Variants in SHPRH observed in about 807,000 individuals in gnomAD.
The protein encoded by SHPRH is SNF2 histone linker PHD RING helicase.
SHPRH carries 106 observed loss-of-function variants against 202.5 expected under a neutral mutation model. The ratio of observed to expected loss-of-function variants is 0.52; its 90% CI spans 0.45 to 0.62. SHPRH has a LOEUF of 0.62. SHPRH is among the 20% of genes least tolerant of loss of function. The pLI is 0.00. For synonymous variants in SHPRH, 729 were observed against 686.0 expected (o/e 1.06, Z -0.98); for missense variants, 1,710 against 2,020.0 (o/e 0.85, Z 2.94).
chr6:145,941,473 A>G (rs1160758162), intron 10 of SHPRH, 150 bp downstream of exon 10: 7 of 1,199,902 alleles, frequency 5.8e-6, no homozygotes, highest in Non-Finnish European at 8.1e-6. Context: ...AAAGCACAAG[A>G]GAAAAGCACA....
Position 145,924,757 on chromosome 6 carries a change from G to A in SHPRH, c.3384C>T (p.Ile1128=). ...QQALYPVQQT[I]HELQRKIHSN... is the part of the protein sequence containing the mutation. The stretch of plus-strand genomic sequence containing the variant: ...GGCATACCTTTCTTTGAAGCTCATG[G>A]ATGGTCTGCTGCACAGGATATAAAG... Residue 1128 remains isoleucine, a synonymous_variant, in exon 17 of 30, where the codon ATC becomes ATT. Coordinates refer to ENST00000275233, the MANE Select transcript of SHPRH (RefSeq NM_001042683.3). The A allele has an allele frequency of 6.2e-7, 1 of 1,611,678 alleles. No individual in the cohort carries two copies. Among genetic ancestry groups the A allele is most frequent in the Non-Finnish European group, 8.5e-7 (1 of 1,178,334 alleles).
intron 25 of SHPRH, among the ~76,000 whole-genome samples, chr6:145,900,749 A>T (rs1312623249): frequency 6.6e-6 from 1 of 152,164 alleles, no homozygotes; most frequent in South Asian, 2.1e-4. Flanking sequence ...CTTTAAAATC[A>T]TCTCTGTATT....
At chr6:145,941,936 CA>C in intron 9 of SHPRH, 62 bp from the exon 10 acceptor site, 1 of 1,574,858 alleles carries the variant, frequency 6.3e-7, no homozygotes, top group Non-Finnish European at 8.6e-7. Flanking sequence ...ATGAAATATT[CA>C]CTCATTTATA....
chr6:145,915,220 T>C (rs1392728920), intron 23 of SHPRH, among the ~76,000 whole-genome samples: 2 of 148,828 alleles, frequency 1.3e-5, no homozygotes, highest in Non-Finnish European at 3.0e-5. Context: ...TAAATTTAAA[T>C]AAATTAAATT....
intron 25 of SHPRH, chr6:145,904,693 G>A (rs1273389398): frequency 1.3e-5 from 2 of 152,238 alleles, no homozygotes; most frequent in Admixed American, 6.6e-5. Flanking sequence ...GTGTGACAAC[G>A]TCGAGGAGGG....
intron 2 of SHPRH, among the ~76,000 whole-genome samples, chr6:145,874,314 T>C (rs1288315564): frequency 6.6e-6 from 1 of 152,110 alleles, no homozygotes; most frequent in African/African-American, 2.4e-5. Context: ...AAGTACACCG[T>C]ATCAAAACTT....
chr6:145,903,515 T>A (rs529570765), intron 25 of SHPRH: 1 of 152,068 alleles, frequency 6.6e-6, no homozygotes, highest in African/African-American at 2.4e-5. Context: ...CTGGACCACA[T>A]CCCAGGTCTA....
intron 4 of SHPRH, 108 bp downstream of exon 4, chr6:145,950,156 C>T: frequency 1.2e-6 from 1 of 853,010 alleles, no homozygotes; most frequent in Admixed American, 2.7e-5. Flanking sequence ...CCCATTCTAT[C>T]TTATATTTTC....
At chr6:145,961,382 T>C (rs1789075956) in intron 1 of SHPRH, among the ~76,000 whole-genome samples, 1 of 152,190 alleles carries the variant, frequency 6.6e-6, no homozygotes, top group South Asian at 2.1e-4. Flanking sequence ...AACCTTGTTA[T>C]GGATAACCAG....
intron 22 of SHPRH, 197 bp from the exon 23 acceptor site, chr6:145,918,429 G>GCACA (rs1784139797): frequency 2.9e-6 from 1 of 350,130 alleles, no homozygotes; most frequent in African/African-American, 2.2e-5. Context: ...TTTATGAAAG[G>GCACA]CACAATTCAA....
intron 25 of SHPRH, chr6:145,903,398 G>T (rs1782672930): frequency 6.7e-6 from 1 of 148,262 alleles, no homozygotes; most frequent in Non-Finnish European, 1.5e-5. Flanking sequence ...GTATGGCTAG[G>T]CTTCTCTGTG....
intron 10 of SHPRH, among the ~76,000 whole-genome samples, chr6:145,941,265 T>A (rs911210952): frequency 2.0e-5 from 3 of 152,216 alleles, no homozygotes; most frequent in Non-Finnish European, 4.4e-5. Context: ...TAAAAGACTG[T>A]CAAAGTCAAC....
chr6:145,938,369 C>T (rs9376971), intron 11 of SHPRH, among the ~76,000 whole-genome samples: 95,641 of 151,958 alleles, frequency 0.63, 30,622 homozygotes, highest in African/African-American at 0.73. Flanking sequence ...TCTAGAATTG[C>T]GAGTTAAACA....
At chr6:145,952,870 TA>T (rs1788129563) in intron 2 of SHPRH, among the ~76,000 whole-genome samples, 1 of 152,046 alleles carries the variant, frequency 6.6e-6, no homozygotes, top group South Asian at 2.1e-4. Context: ...TCTGCACAGT[TA>T]GGTTTGGGCA....
intron 27 of SHPRH, 46 bp downstream of exon 27, chr6:145,894,104 T>C (rs1333418933): frequency 2.1e-6 from 3 of 1,446,646 alleles, no homozygotes; most frequent in Admixed American, 4.2e-5. Flanking sequence ...CAGTTTAAAT[T>C]TGCAACTGTA....
intron 4 of SHPRH, among the ~76,000 whole-genome samples, chr6:145,949,076 C>G (rs868004644): frequency 6.6e-6 from 1 of 151,960 alleles, no homozygotes; most frequent in African/African-American, 2.4e-5. Context: ...GATGTTGGCA[C>G]GAAGCCAGTA....
chr6:145,861,250 A>C (rs529229207), downstream of SHPRH, among the ~76,000 whole-genome samples: 1 of 152,158 alleles, frequency 6.6e-6, no homozygotes, highest in Non-Finnish European at 1.5e-5. Flanking sequence ...AATAGAAAAC[A>C]ACAACAAATA....
At chr6:145,905,235 A>G (rs1782855248) in intron 25 of SHPRH, 1 of 152,272 alleles carries the variant, frequency 6.6e-6, no homozygotes, top group Admixed American at 6.6e-5. Context: ...GAAAGAAGAG[A>G]AAAAAGGAAG....
chr6:145,884,642 T>C (rs1310676425), downstream of SHPRH: 1 of 152,200 alleles, frequency 6.6e-6, no homozygotes, highest in Non-Finnish European at 1.5e-5. Context: ...ATCAGATTTG[T>C]ACTTGTTTTG....
Sources: gnomAD v4.1 joint callset for allele counts (sites outside exome capture counted in the v4.1 genomes callset) on GRCh38, gnomAD v4.1.1 for gene constraint, MANE v1.5 for transcripts, NCBI Gene and HGNC (gene_info 2026-07-23, HGNC 2026-07-21) for gene names.